The following SEMA3A variants were observed in gnomAD, a reference collection of about 807,000 sequenced individuals.
SEMA3A encodes semaphorin 3A, also known as semaphorin-3A.
SEMA3A carries 29 observed loss-of-function variants against 97.9 expected under a neutral mutation model. The observed-to-expected ratio is 0.30, with a 90% CI of 0.22 to 0.40. The LOEUF is 0.40. SEMA3A is among the 10% of genes least tolerant of loss of function. SEMA3A has a pLI of 1.00. For missense variants in SEMA3A, 763 were observed against 951.3 expected, an observed-to-expected ratio of 0.80 and a Z score of 2.60; for synonymous variants, 321 against 323.7, an observed-to-expected ratio of 0.99 and a Z score of 0.09.
intron 3 of SEMA3A, among the ~76,000 whole-genome samples, chr7:84,115,286 C>T (rs1795391144): frequency 6.6e-6 from 1 of 152,028 alleles, no homozygotes; most frequent in Non-Finnish European, 1.5e-5. Context: ...GTACAAGGCT[C>T]CCAAATTATT....
chr7:84,010,876 ACTT>A, intron 9 of SEMA3A, 143 bp downstream of exon 9: 1 of 567,122 alleles, frequency 1.8e-6, no homozygotes, highest in East Asian at 2.8e-5. Flanking sequence ...GTAGATCATA[ACTT>A]CTTTCAGTCA....
chr7:84,339,604 G>C (rs1002754944), intron 2 of SEMA3A, among the ~76,000 whole-genome samples: 1 of 152,122 alleles, frequency 6.6e-6, no homozygotes, highest in African/African-American at 2.4e-5. Flanking sequence ...CATCATTGTG[G>C]TTCTGAGCAC....
chr7:84,428,808 T>A (rs1584318660), intron 1 of SEMA3A, among the ~76,000 whole-genome samples: 2 of 152,050 alleles, frequency 1.3e-5, no homozygotes, highest in East Asian at 3.9e-4. Flanking sequence ...TGCAAAACAA[T>A]GACTATCAAA....
At chr7:84,415,140 G>C (rs1804397283) in intron 1 of SEMA3A, among the ~76,000 whole-genome samples, 1 of 152,046 alleles carries the variant, frequency 6.6e-6, no homozygotes, top group African/African-American at 2.4e-5. Context: ...ATAAACTGTA[G>C]CTGTAGAGTT....
chr7:84,336,137 C>A lies in SEMA3A; in HGVS notation c.-168-28845G>T, dbSNP rs115091960. On this transcript the variant is annotated intron_variant, in intron 2 of 3. Coordinates refer to the SEMA3A transcript ENST00000424555. Reference sequence around the variant, plus strand: ...GACACCATATTTAGAAGAATATAAGCAGGCAACTGTCACATTTAAATATTA... The same window carrying A: ...GACACCATATTTAGAAGAATATAAGAAGGCAACTGTCACATTTAAATATTA... Among the ~76,000 whole-genome samples, 276 of 152,184 alleles carry A rather than the reference C, an allele frequency of 1.8e-3. 1 individual carries two copies. The highest frequency in any genetic ancestry group is 6.2e-3 in the African/African-American group (256 of 41,548).
chr7:84,123,097 T>A (rs1407271820), intron 3 of SEMA3A, among the ~76,000 whole-genome samples: 4 of 152,134 alleles, frequency 2.6e-5, no homozygotes, highest in Non-Finnish European at 5.9e-5. Flanking sequence ...GAGAGATGGT[T>A]TAGTAGGATA....
intron 1 of SEMA3A, among the ~76,000 whole-genome samples, chr7:84,398,296 C>A (rs1422663876): frequency 6.6e-6 from 1 of 152,102 alleles, no homozygotes; most frequent in Non-Finnish European, 1.5e-5. Context: ...ATATGAGGAG[C>A]TTTATACCAT....
At chr7:84,131,858 T>C in intron 2 of SEMA3A, among the ~76,000 whole-genome samples, 1 of 152,160 alleles carries the variant, frequency 6.6e-6, no homozygotes, top group East Asian at 1.9e-4. Context: ...AGTGGTATGA[T>C]CACAGCTCAC....
intron 2 of SEMA3A, among the ~76,000 whole-genome samples, chr7:84,342,897 A>C (rs1456286413): frequency 6.6e-6 from 1 of 152,188 alleles, no homozygotes; most frequent in Admixed American, 6.5e-5. Flanking sequence ...TGTGCAAACT[A>C]TGTGAGCAAA....
chr7:84,232,684 G>A lies in SEMA3A; in HGVS notation c.-82-38016C>T, dbSNP rs77360730. ...AACTTGTCTGAGACAAGTTTAAGACGTTTTCCTTCTAATTTTCTTACAAAA... is the reference window on the plus strand; with the variant it reads ...AACTTGTCTGAGACAAGTTTAAGACATTTTCCTTCTAATTTTCTTACAAAA... On this transcript the variant is annotated intron_variant, in intron 3 of 3. Coordinates refer to the SEMA3A transcript ENST00000424555. Among the ~76,000 whole-genome samples, 1,104 of 151,914 alleles carry A rather than the reference G, an allele frequency of 7.3e-3. 12 individuals are homozygous for A. Among genetic ancestry groups the A allele is most frequent in the African/African-American group, 0.026 (1,061 of 41,492 alleles).
At chr7:84,131,184 G>A (rs769860757) in intron 2 of SEMA3A, among the ~76,000 whole-genome samples, 1 of 151,946 alleles carries the variant, frequency 6.6e-6, no homozygotes, top group Non-Finnish European at 1.5e-5. Context: ...TTCTTTTGGA[G>A]AGCAATTTAA....
chr7:84,209,482 T>C (rs1302348434), intron 3 of SEMA3A, among the ~76,000 whole-genome samples: 2 of 152,214 alleles, frequency 1.3e-5, no homozygotes, highest in South Asian at 2.1e-4. Flanking sequence ...TTAATGAATT[T>C]CTTGGGGGCT....
At chr7:84,016,457 T>G (rs569298175) in intron 6 of SEMA3A, among the ~76,000 whole-genome samples, 151 of 150,252 alleles carry the variant, frequency 1.0e-3, no homozygotes, top group African/African-American at 2.6e-3. Context: ...AGAATGGCAT[T>G]AACCCGGGAG....
At chr7:84,395,874 A>G (rs908426997) in intron 1 of SEMA3A, among the ~76,000 whole-genome samples, 5 of 152,168 alleles carry the variant, frequency 3.3e-5, no homozygotes, top group Non-Finnish European at 7.3e-5. Context: ...CAGCATGAGA[A>G]CAGACTAATA....
At chr7:84,256,899 G>A (rs1314450440) in intron 3 of SEMA3A, among the ~76,000 whole-genome samples, 1 of 151,972 alleles carries the variant, frequency 6.6e-6, no homozygotes, top group Non-Finnish European at 1.5e-5. Context: ...CTCTTCACTG[G>A]TGAAGCAATA....
chr7:84,283,190 A>G (rs1167964762), intron 3 of SEMA3A, among the ~76,000 whole-genome samples: 1 of 152,108 alleles, frequency 6.6e-6, no homozygotes, highest in Non-Finnish European at 1.5e-5. Flanking sequence ...ACTTACTGGA[A>G]CACTTAAATC....
Position 83,979,207 on chromosome 7 carries a change from C to G in SEMA3A, c.1653-2011G>C, listed in dbSNP as rs370765277. On this transcript the variant is annotated intron_variant, in intron 14 of 16. Coordinates refer to ENST00000265362, the MANE Select transcript of SEMA3A (RefSeq NM_006080.3). ...GGAGTGCAGCGATGCAATCTCAGCT[C>G]AGTAAAACCTCTGCCTCCTGGGTTC... Among the ~76,000 whole-genome samples, 23 of 150,770 alleles carry G rather than the reference C, an allele frequency of 1.5e-4. No homozygotes were observed. In the East Asian group the frequency reaches 4.3e-3, roughly 28 times the overall value.
upstream of SEMA3A, chr7:84,194,879 C>G (rs933246309): frequency 3.9e-6 from 1 of 259,144 alleles, no homozygotes; most frequent in Non-Finnish European, 7.2e-6. Context: ...AAAAAATTAA[C>G]AAGGTCTGCT....
At chr7:84,048,222 T>C (rs1210753670) in intron 5 of SEMA3A, among the ~76,000 whole-genome samples, 1 of 152,052 alleles carries the variant, frequency 6.6e-6, no homozygotes, top group Non-Finnish European at 1.5e-5. Flanking sequence ...TTATACATTC[T>C]TCACTTACTT....
Sources: gnomAD v4.1 joint callset for allele counts (sites outside exome capture counted in the v4.1 genomes callset) on GRCh38, gnomAD v4.1.1 for gene constraint, MANE v1.5 for transcripts, NCBI Gene and HGNC (gene_info 2026-07-23, HGNC 2026-07-21) for gene names.